Variants in WWOX observed in about 807,000 individuals in gnomAD.
WWOX encodes the protein WW domain containing oxidoreductase, also known as WW domain-containing oxidoreductase.
WWOX carries 69 observed loss-of-function variants against 46.2 expected under a neutral mutation model. The observed-to-expected ratio is 1.49, with a 90% CI of 1.23 to 1.82. WWOX has a LOEUF of 1.82. Ranked by LOEUF, WWOX falls within the 40% of genes most tolerant of loss-of-function variation. The pLI is 0.00. For synonymous variants in WWOX, 359 were observed against 202.6 expected (o/e 1.77, Z -6.56); for missense variants, 919 against 542.6 (o/e 1.69, Z -6.89).
intron 8 of WWOX, among the ~76,000 whole-genome samples, chr16:78,885,189 C>G (rs2151219894): frequency 6.8e-6 from 1 of 146,100 alleles, no homozygotes; most frequent in Admixed American, 6.9e-5. Flanking sequence ...CAATCACTCT[C>G]TACTTTTTTT....
chr16:78,759,405 C>T (rs746978629), intron 8 of WWOX, among the ~76,000 whole-genome samples: 11 of 152,166 alleles, frequency 7.2e-5, no homozygotes, highest in Admixed American at 2.0e-4. Context: ...GCTTTTTCTT[C>T]TCTCACTGCT....
chr16:78,919,743 G>A (rs189520268), intron 8 of WWOX, among the ~76,000 whole-genome samples: 89 of 152,040 alleles, frequency 5.9e-4, no homozygotes, highest in Middle Eastern at 3.4e-3. Context: ...TCTCGAACTC[G>A]TGACCTCATG....
chr16:78,246,764 G>A (rs926505882), intron 5 of WWOX, among the ~76,000 whole-genome samples: 1 of 152,198 alleles, frequency 6.6e-6, no homozygotes, highest in Non-Finnish European at 1.5e-5. Context: ...TTTTAACCTT[G>A]TTCAGGTGGC....
intron 8 of WWOX, among the ~76,000 whole-genome samples, chr16:78,994,961 T>C (rs1393931365): frequency 9.3e-6 from 1 of 107,354 alleles, no homozygotes; most frequent in East Asian, 2.2e-4. Context: ...TTTCTTCTTC[T>C]TCTTCTTCTT....
intron 8 of WWOX, among the ~76,000 whole-genome samples, chr16:78,958,180 A>C (rs2046206336): frequency 6.6e-6 from 1 of 152,154 alleles, no homozygotes; most frequent in Non-Finnish European, 1.5e-5. Flanking sequence ...TGGTCCTTTT[A>C]AGACCGCCAG....
At chr16:79,009,843 G>T (rs555702370) in intron 8 of WWOX, among the ~76,000 whole-genome samples, 8 of 152,146 alleles carry the variant, frequency 5.3e-5, no homozygotes, top group Non-Finnish European at 4.4e-5. Context: ...TATCATGGGG[G>T]CTTCGACCTC....
At chr16:78,873,709 A>C (rs1258931655) in intron 8 of WWOX, among the ~76,000 whole-genome samples, 1 of 152,136 alleles carries the variant, frequency 6.6e-6, no homozygotes, top group Non-Finnish European at 1.5e-5. Context: ...CGATTGCTTG[A>C]GGCCGGAAGT....
intron 8 of WWOX, among the ~76,000 whole-genome samples, chr16:78,858,994 T>C (rs1195392657): frequency 8.3e-5 from 5 of 60,374 alleles, no homozygotes; most frequent in Non-Finnish European, 1.6e-4. Context: ...CTACTAGTTT[T>C]GAAATTTAAA....
chr16:78,530,793 A>T (rs141393796), intron 8 of WWOX, among the ~76,000 whole-genome samples: 1,539 of 152,264 alleles, frequency 0.01, 35 homozygotes, highest in African/African-American at 0.036. Flanking sequence ...ATATGGTGAG[A>T]TTGGCATCTA....
At chr16:78,657,487 C>G (rs1013266839) in intron 8 of WWOX, among the ~76,000 whole-genome samples, 1 of 152,140 alleles carries the variant, frequency 6.6e-6, no homozygotes, top group African/African-American at 2.4e-5. Flanking sequence ...ACGATGCATG[C>G]TGGGGTCAGT....
chr16:78,775,700 G>T (rs1225099327), intron 8 of WWOX, among the ~76,000 whole-genome samples: 1 of 152,156 alleles, frequency 6.6e-6, no homozygotes, highest in African/African-American at 2.4e-5. Context: ...GTTCACATAG[G>T]GGACAGGTGT....
rs1341298897 is a variant in WWOX, at chr16:78,099,887, T to A, written c.107+2T>A. The A allele has an allele frequency of 1.3e-6, 2 of 1,560,616 alleles. No homozygotes were observed. Among genetic ancestry groups the A allele is most frequent in the African/African-American group, 2.7e-5 (2 of 73,234 alleles). ...GGACGGCTGGGTTTACTACGCCAAG[T>A]AAGGGGGCCGCAGTGGGGCCGCGGA... On this transcript the variant is annotated splice_donor_variant, in intron 1 of 8. Transcript: ENST00000566780. LOFTEE classifies it high-confidence loss of function.
chr16:78,607,850 A>G (rs1032351900), intron 8 of WWOX, among the ~76,000 whole-genome samples: 6 of 152,222 alleles, frequency 3.9e-5, no homozygotes, highest in Admixed American at 2.0e-4. Context: ...ATCGGGTACA[A>G]TAGGTACCTG....
chr16:78,876,795 T>G (rs2044242901), intron 8 of WWOX, among the ~76,000 whole-genome samples: 2 of 152,200 alleles, frequency 1.3e-5, no homozygotes, highest in South Asian at 4.1e-4. Context: ...AAACACCTCA[T>G]CTATTATGCT....
rs1289037007 is a variant in WWOX at position 79,166,515 on chromosome 16, C to T, written c.1057-45093C>T. ...AGAGTTCAGAACCACACCATACGGG[C>T]AGTAGTCCGCATTTTCAACATTTCC... is the stretch of plus-strand genomic sequence containing the variant. On this transcript the variant is annotated intron_variant, in intron 8 of 8. Transcript: ENST00000566780. Among the ~76,000 whole-genome samples, 3 of 152,146 alleles carry T rather than the reference C, an allele frequency of 2.0e-5. No homozygotes were observed. In the East Asian group the frequency reaches 5.8e-4, roughly 29 times the overall value.
intron 5 of WWOX, among the ~76,000 whole-genome samples, chr16:78,268,525 T>C (rs2079413178): frequency 6.6e-6 from 1 of 152,180 alleles, no homozygotes; most frequent in Non-Finnish European, 1.5e-5. Flanking sequence ...GAGAGCATGG[T>C]CCAAAGCTGC....
In WWOX at chr16:78,198,728, C is replaced by G. The variant is rs140484295; in HGVS notation, c.516+34439C>G. 6.5e-3 allele frequency among the ~76,000 whole-genome samples: 985 copies of G among 152,204 alleles called. 3 individuals carry two copies. The highest frequency in any genetic ancestry group is 0.017 in the Middle Eastern group (5 of 294). ...CTTCCCTAGTTGTATCACCTTCCTC[C>G]CATTATGTTTGTAACTTCAGATTTT... On this transcript the variant is annotated intron_variant, in intron 5 of 8. Transcript: ENST00000566780.
intron 8 of WWOX, chr16:78,996,172 A>G: frequency 9.2e-6 from 9 of 976,628 alleles, no homozygotes; most frequent in Non-Finnish European, 9.7e-6. Context: ...AACGAAACTC[A>G]CATCTTCTTT....
chr16:78,241,111 GCCAGCA>G (rs2037630597), intron 5 of WWOX: 1 of 152,186 alleles, frequency 6.6e-6, no homozygotes, highest in Non-Finnish European at 1.5e-5. Context: ...GGCCTTGGGA[GCCAGCA>G]GTACCCCCAT....
Sources: gnomAD v4.1 joint callset for allele counts (sites outside exome capture counted in the v4.1 genomes callset) on GRCh38, gnomAD v4.1.1 for gene constraint, MANE v1.5 for transcripts, NCBI Gene and HGNC (gene_info 2026-07-23, HGNC 2026-07-21) for gene names.